The following CUL7 variants were observed in gnomAD, a reference collection of about 807,000 sequenced individuals.
CUL7 encodes the protein cullin 7.
A neutral mutation model predicts 177.7 loss-of-function variants in CUL7; 96 were observed. The ratio of observed to expected loss-of-function variants is 0.54; its 90% CI spans 0.46 to 0.64. The LOEUF (loss-of-function observed/expected upper bound fraction) is 0.64. Ranked by LOEUF, CUL7 falls within the 30% of genes least tolerant of loss-of-function variation. The pLI, the probability that CUL7 is intolerant of heterozygous loss-of-function variation, is 0.00. For missense variants in CUL7, 1,893 were observed against 2,187.9 expected (o/e 0.87, Z 2.69); for synonymous variants, 824 against 890.2 (o/e 0.93, Z 1.32).
rs1168699000 is a variant in CUL7 at position 43,050,767 on chromosome 6, T to C, written c.1233+201A>G. ...AGTTTCTTCCCAGGTGTGAGTCTTC[T>C]TGACTTCACAGCCTCCTAAACCCAG... On this transcript the variant is annotated intron_variant, in intron 4 of 25. Transcript: ENST00000265348. This position sits in a 1 kb window ranked among gnomAD's most constrained non-coding sequence, Gnocchi z 4.1. 6.6e-6 allele frequency among the ~76,000 whole-genome samples: 1 copy of C among 152,130 alleles called. No homozygotes were observed. Among genetic ancestry groups the C allele is most frequent in the East Asian group, 1.9e-4 (1 of 5,196 alleles).
chr6:43,042,939 G>C lies in CUL7; in HGVS notation c.3508C>G (p.Pro1170Ala), dbSNP rs867235173. Residue 1170 changes from proline (P) to alanine (A), a missense_variant, in exon 19 of 26, where the codon CCA (proline) becomes GCA (alanine). Coordinates refer to ENST00000265348, the MANE Select transcript of CUL7 (RefSeq NM_014780.5). ...TSSWRDDDFV[P>A]RYCEHFNILQ... ...ATATTAAAGTGCTCACAGTAGCGTG[G>C]CACAAAGTCATCATCCCGCCAGGAT... is the stretch of plus-strand genomic sequence containing the variant. The C allele has an allele frequency of 1.2e-6, 2 of 1,614,060 alleles. No homozygotes were observed. Among genetic ancestry groups the C allele is most frequent in the Non-Finnish European group, 1.7e-6 (2 of 1,180,042 alleles).
intron 24 of CUL7, 32 bp downstream of exon 24, chr6:43,038,534 G>C (rs1763145576): frequency 1.2e-6 from 2 of 1,613,744 alleles, no homozygotes; most frequent in East Asian, 2.2e-5. Flanking sequence ...CCCTGCCTCA[G>C]AGCAGAGGCC....
Position 43,049,392 on chromosome 6 carries a change from G to A in CUL7, c.1825+15C>T, listed in dbSNP as rs1764212512. The A allele has an allele frequency of 1.9e-6, 3 of 1,614,050 alleles. No homozygotes were observed. Among genetic ancestry groups the A allele is most frequent in the African/African-American group, 1.3e-5 (1 of 74,932 alleles). On this transcript the variant is annotated intron_variant, in intron 7 of 25. Transcript: ENST00000265348. ...CTGAAGGTGTGTCAGCTCAGCTGCT[G>A]TGTCTGGCACCCACCTTCCACTTTG...
rs369414558 is a variant in CUL7, at chr6:43,052,159, C to G, written c.580+50G>C. On this transcript the variant is annotated intron_variant, in intron 2 of 25. Transcript: ENST00000265348. This position sits in a 1 kb window ranked among gnomAD's most constrained non-coding sequence, Gnocchi z 4.5. ...CCACAGTGTCCTGTGAGTCCCTGAGCCGACCCAGCCCTTCTCCTGCTTTCC... is the reference window on the plus strand; with the variant it reads ...CCACAGTGTCCTGTGAGTCCCTGAGGCGACCCAGCCCTTCTCCTGCTTTCC... The G allele has an allele frequency of 1.9e-6, 3 of 1,607,104 alleles. No individual in the cohort carries two copies. Among genetic ancestry groups the G allele is most frequent in the Admixed American group, 3.4e-5 (2 of 58,914 alleles).
Position 43,040,095 on chromosome 6 carries a change from A to G in CUL7, c.4294+61T>C. 4 of 1,602,998 alleles carry G rather than the reference A, an allele frequency of 2.5e-6. No individual in the cohort carries two copies. Among genetic ancestry groups the G allele is most frequent in the Non-Finnish European group, 3.4e-6 (4 of 1,170,372 alleles). On this transcript the variant is annotated intron_variant, in intron 22 of 25. Transcript: ENST00000265348. This position sits in a 1 kb window ranked among gnomAD's most constrained non-coding sequence, Gnocchi z 4.2. ...AACATCAGGGTCTGCCCCCAACCCC[A>G]GGTCCTTTCCTAGCAGCCCACCCTC...
In CUL7 at chr6:43,038,826, A is replaced by G; in HGVS notation, c.4440+16T>C. On this transcript the variant is annotated intron_variant, in intron 23 of 25. Coordinates refer to ENST00000265348, the MANE Select transcript of CUL7 (RefSeq NM_014780.5). ...AAAGTGGGAGACAGGAGAGAGGTGCAGCGGGGCTGGGCCACCTTCAGGTCG... is the reference window on the plus strand; with the variant it reads ...AAAGTGGGAGACAGGAGAGAGGTGCGGCGGGGCTGGGCCACCTTCAGGTCG... The G allele has an allele frequency of 5.6e-6, 9 of 1,614,190 alleles. No individual in the cohort carries two copies. Among genetic ancestry groups the G allele is most frequent in the Non-Finnish European group, 6.8e-6 (8 of 1,180,032 alleles).
In CUL7 at chr6:43,040,999, C is replaced by T. The variant is rs766103500; in HGVS notation, c.3722G>A (p.Arg1241Lys). The T allele has an allele frequency of 6.8e-6, 11 of 1,613,618 alleles. No individual in the cohort carries two copies. The East Asian group carries it at 1.1e-4, about 16-fold the overall frequency. The change falls in exon 20 of 26, where the codon AGG becomes AAG. Residue 1241 changes from arginine to lysine, a missense_variant. Arg to Lys is a conservative substitution (Grantham distance 26). This residue lies in a region of CUL7 where 973 missense variants were observed against 1,140.9 expected (regional missense o/e 0.85). Coordinates refer to ENST00000265348, the MANE Select transcript of CUL7 (RefSeq NM_014780.5). This position sits in a 1 kb window ranked among gnomAD's most constrained non-coding sequence, Gnocchi z 4.2. ...SRIGGAQEME[R>K]LAQLQQCLQA... The stretch of plus-strand genomic sequence containing the variant: ...CAGGCATTGCTGCAGCTGTGCCAGC[C>T]TCTCCATTTCCTGGGCTCCACCGAT...
chr6:43,039,542 T>C (rs1581905704), intron 22 of CUL7, among the ~76,000 whole-genome samples: 1 of 152,032 alleles, frequency 6.6e-6, no homozygotes, highest in South Asian at 2.1e-4. Context: ...CCAGGTCTTA[T>C]TTTAGAACAG....
chr6:43,048,289 C>T, intron 8 of CUL7, 36 bp from the exon 9 acceptor site: 3 of 1,591,478 alleles, frequency 1.9e-6, no homozygotes, highest in Non-Finnish European at 2.6e-6. Context: ...GCCTCATGGA[C>T]CCCCTTTGCC....
intron 25 of CUL7, 47 bp downstream of exon 25, chr6:43,038,220 C>G (rs749562918): frequency 3.1e-6 from 5 of 1,603,566 alleles, no homozygotes; most frequent in Non-Finnish European, 4.3e-6. Flanking sequence ...GACTGCTCCC[C>G]CAACCCCAGC....
intron 22 of CUL7, among the ~76,000 whole-genome samples, chr6:43,039,735 CTTTTTTTT>C (rs763879172): frequency 5.4e-4 from 51 of 94,904 alleles, no homozygotes; most frequent in Admixed American, 2.0e-3. Context: ...AAGACCAACT[CTTTTTTTT>C]TTTTTTTTTT....
At position 43,042,852 on chromosome 6, in the gene CUL7, T is replaced by G. The variant is rs763687871; in HGVS notation, c.3595A>C (p.Asn1199His). Residue 1199 changes from asparagine (N) to histidine (H), a missense_variant, in exon 19 of 26, where the codon AAT becomes CAT. By Grantham distance (68) the Asn-to-His change is moderately conservative. Around this residue, in one of 5 missense-constraint regions of CUL7, gnomAD observed 973 missense variants for 1,140.9 expected, o/e 0.85. Coordinates refer to ENST00000265348, the MANE Select transcript of CUL7 (RefSeq NM_014780.5). Reference sequence around the variant, plus strand: ...TTCAGCAAGGCTCCCGCACAGCCATTTTGCAGCGCCAGCAAGAAGGCTGCC... The same window carrying G: ...TTCAGCAAGGCTCCCGCACAGCCATGTTGCAGCGCCAGCAAGAAGGCTGCC... ...PRAAFLLALQNGCAGALLKLP... is the reference protein window; with the variant it reads ...PRAAFLLALQHGCAGALLKLP... 6.2e-7 allele frequency: 1 copy of G among 1,613,826 alleles called. No individual in the cohort carries two copies. The highest frequency in any genetic ancestry group is 8.5e-7 in the Non-Finnish European group (1 of 1,179,850).
Position 43,045,654 on chromosome 6 carries a change from A to G in CUL7, c.2795T>C (p.Val932Ala). Residue 932 changes from valine (V) to alanine (A), a missense_variant, in exon 14 of 26, where the codon GTG becomes GCG. Coordinates refer to ENST00000265348, the MANE Select transcript of CUL7 (RefSeq NM_014780.5). The surrounding 1 kb of genome is among the most constrained non-coding windows in gnomAD (Gnocchi z 4.8). Reference sequence around the variant, plus strand: ...GCGGGTCAGGTTCTCCAGGAGGATCACCCGGCTGGCAGAGGGCATCACATT... The same window carrying G: ...GCGGGTCAGGTTCTCCAGGAGGATCGCCCGGCTGGCAGAGGGCATCACATT... ...SVNVMPSASRVILLENLTRFW... is the reference protein window; with the variant it reads ...SVNVMPSASRAILLENLTRFW... 6.2e-7 allele frequency: 1 copy of G among 1,614,172 alleles called. No individual in the cohort carries two copies. The highest frequency in any genetic ancestry group is 8.5e-7 in the Non-Finnish European group (1 of 1,180,018).
In CUL7 at chr6:43,043,976, G is replaced by A. The variant is rs1168565412; in HGVS notation, c.3173-346C>T. On this transcript the variant is annotated intron_variant, in intron 16 of 25. Transcript: ENST00000265348. The surrounding 1 kb of genome is among the most constrained non-coding windows in gnomAD (Gnocchi z 4.2). ...GTGGATCACCTGAGGTCGGGAGTTC[G>A]AGATCAGCCTGACCAACACGGAGAA... Among the ~76,000 whole-genome samples, 4 of 152,026 alleles carry A rather than the reference G, an allele frequency of 2.6e-5. No individual in the cohort carries two copies. The highest frequency in any genetic ancestry group is 1.3e-4 in the Admixed American group (2 of 15,260).
rs1488000178 is a variant in CUL7, at chr6:43,053,731, G to C, written c.-118C>G. 2 of 1,471,372 alleles carry C rather than the reference G, an allele frequency of 1.4e-6. No individual in the cohort carries two copies. Among genetic ancestry groups the C allele is most frequent in the Admixed American group, 4.7e-5 (2 of 42,862 alleles). 91.1% of individuals were successfully genotyped at this position (1,471,372 alleles called of 1,614,324 possible). ...CCCACCTGGGCCCCGCGAGGGGGTC[G>C]AGACGGAGAGACGGGAGGGGGCGTG... On this transcript the variant is annotated 5_prime_UTR_variant, in exon 1 of 26. Transcript: ENST00000265348. This position sits in a 1 kb window ranked among gnomAD's most constrained non-coding sequence, Gnocchi z 4.1.
At position 43,045,638 on chromosome 6, in the gene CUL7, G is replaced by A. The variant is rs764728387; in HGVS notation, c.2811C>T (p.Asn937=). 1.2e-6 allele frequency: 2 copies of A among 1,614,198 alleles called. No homozygotes were observed. Among genetic ancestry groups the A allele is most frequent in the Non-Finnish European group, 1.7e-6 (2 of 1,180,044 alleles). The part of the protein sequence containing the change: ...PSASRVILLE[N]LTRFWPIIQI... ...GGATGATGGGCCAGAAGCGGGTCAG[G>A]TTCTCCAGGAGGATCACCCGGCTGG... The change falls in exon 14 of 26, where the codon AAC becomes AAT. Residue 937 remains asparagine (N), a synonymous_variant. Transcript: ENST00000265348. The surrounding 1 kb of genome is among the most constrained non-coding windows in gnomAD (Gnocchi z 4.8).
At chr6:43,046,168 C>A in intron 12 of CUL7, 68 bp downstream of exon 12, 1 of 1,613,360 alleles carries the variant, frequency 6.2e-7, no homozygotes, top group Non-Finnish European at 8.5e-7. Flanking sequence ...GTGCTTCCCC[C>A]AAAACAAACA....
chr6:43,048,780 T>TTC (rs1764146429), intron 7 of CUL7, among the ~76,000 whole-genome samples: 1 of 151,996 alleles, frequency 6.6e-6, no homozygotes, highest in South Asian at 2.1e-4. Context: ...TTTTTTTTTT[T>TTC]TCTTTGAGAC....
At chr6:43,044,090 AGG>A (rs1291526810) in intron 16 of CUL7, among the ~76,000 whole-genome samples, 3 of 152,180 alleles carry the variant, frequency 2.0e-5, no homozygotes, top group African/African-American at 7.2e-5. Flanking sequence ...TGGGAGACTG[AGG>A]CGGGTGGATC....
Sources: allele counts gnomAD v4.1 joint callset (sites outside exome capture counted in the v4.1 genomes callset), GRCh38; gene constraint gnomAD v4.1.1; regional missense constraint gnomAD v4.1.1; non-coding constraint Gnocchi (gnomAD v3.1); transcripts MANE v1.5; gene names NCBI Gene and HGNC (gene_info 2026-07-23, HGNC 2026-07-21).